Variants in ARID5B observed in about 807,000 individuals in gnomAD.
ARID5B encodes the protein AT-rich interactive domain-containing protein 5B.
A neutral mutation model predicts 97.2 loss-of-function variants in ARID5B; 13 were observed. That is an observed-to-expected ratio of 0.13 (90% CI 0.09 to 0.21). ARID5B has a LOEUF of 0.21. Among genes scored for constraint, ARID5B ranks in the 10% least tolerant of loss-of-function variants. The probability of loss-of-function intolerance (pLI) is 1.00; values close to 1 mark genes in which losing one functional copy is unlikely to be tolerated. For synonymous variants in ARID5B, 556 were observed against 570.3 expected (o/e 0.97, Z 0.36); for missense variants, 1,210 against 1,465.3 (o/e 0.83, Z 2.84).
In ARID5B at chr10:62,090,902, G is replaced by A. The variant is rs41274054; in HGVS notation, c.1439G>A (p.Ser480Asn). The change falls in exon 10 of 10, where the codon AGC (serine) becomes AAC (asparagine). Residue 480 changes from serine to asparagine, a missense_variant. Ser to Asn is a conservative substitution (Grantham distance 46). This residue lies in a region of ARID5B where 800 missense variants were observed against 839.1 expected (regional missense o/e 0.95). Coordinates refer to ENST00000279873, the MANE Select transcript of ARID5B (RefSeq NM_032199.3). ...EQEKEQETLI[S>N]QKSIPEPLPA... ...GAAAAAGAACAAGAGACTTTAATAAGCCAGAAAAGCATCCCTGAGCCTCTC... is the reference window on the plus strand; with the variant it reads ...GAAAAAGAACAAGAGACTTTAATAAACCAGAAAAGCATCCCTGAGCCTCTC... 1,984 of 1,599,566 alleles carry A rather than the reference G, an allele frequency of 1.2e-3. 1 individual carries two copies. Among genetic ancestry groups the A allele is most frequent in the Non-Finnish European group, 1.5e-3 (1,751 of 1,176,380 alleles).
chr10:61,966,558 A>T (rs1206648982), intron 3 of ARID5B, among the ~76,000 whole-genome samples: 1 of 152,072 alleles, frequency 6.6e-6, no homozygotes, highest in Admixed American at 6.6e-5. Context: ...AATTTTAGAA[A>T]ATTCTTTGTT....
At chr10:62,047,667 G>C (rs1839727353) in intron 4 of ARID5B, among the ~76,000 whole-genome samples, 1 of 152,020 alleles carries the variant, frequency 6.6e-6, no homozygotes. Flanking sequence ...AAGGAGGTGG[G>C]GCTGTCTCTT....
intron 3 of ARID5B, among the ~76,000 whole-genome samples, chr10:61,944,316 G>A (rs1032928469): frequency 3.3e-5 from 5 of 152,108 alleles, no homozygotes; most frequent in Non-Finnish European, 7.4e-5. Flanking sequence ...CAAGCCTCTA[G>A]TTATTTATTT....
intron 4 of ARID5B, among the ~76,000 whole-genome samples, chr10:62,016,918 A>G (rs1272048305): frequency 2.0e-5 from 3 of 152,174 alleles, no homozygotes; most frequent in Non-Finnish European, 2.9e-5. Flanking sequence ...AAGGCTTTGT[A>G]GTAGTTTGGA....
At position 62,000,958 on chromosome 10, in the gene ARID5B, A is replaced by G. The variant is rs1589253312; in HGVS notation, c.733+637A>G. Among the ~76,000 whole-genome samples the G allele has an allele frequency of 3.3e-5, 5 of 152,186 alleles. No homozygotes were observed. The highest frequency in any genetic ancestry group is 3.3e-4 in the Admixed American group (5 of 15,278). On this transcript the variant is annotated intron_variant, in intron 4 of 9. Coordinates refer to ENST00000279873, the MANE Select transcript of ARID5B (RefSeq NM_032199.3). This position sits in a 1 kb window ranked among gnomAD's most constrained non-coding sequence, Gnocchi z 4.4. ...CACGTACACGCACATTGTGCCCACC[A>G]AAGATGGATACATATCTTAATCTGC...
At position 62,091,726 on chromosome 10, in the gene ARID5B, G is replaced by A. The variant is rs750226503; in HGVS notation, c.2263G>A (p.Val755Ile). 5.6e-6 allele frequency: 9 copies of A among 1,614,120 alleles called. No homozygotes were observed. Among genetic ancestry groups the A allele is most frequent in the African/African-American group, 1.3e-5 (1 of 75,032 alleles). ...AVSRPSVIQHVQSFRSKPSEE... is the reference protein window; with the variant it reads ...AVSRPSVIQHIQSFRSKPSEE... ...CAGCCGGCCATCAGTGATTCAGCAC[G>A]TCCAGAGTTTCAGAAGCAAGCCCTC... Residue 755 changes from valine (V) to isoleucine (I), a missense_variant, in exon 10 of 10, where the codon GTC becomes ATC. Coordinates refer to ENST00000279873, the MANE Select transcript of ARID5B (RefSeq NM_032199.3).
At chr10:61,909,324 T>TG in intron 2 of ARID5B, among the ~76,000 whole-genome samples, 3 of 136,916 alleles carry the variant, frequency 2.2e-5, no homozygotes. Context: ...GTGAGTTTTT[T>TG]TTTTTTTTTT....
At chr10:61,924,207 G>C (rs75653753) in intron 2 of ARID5B, among the ~76,000 whole-genome samples, 1 of 152,162 alleles carries the variant, frequency 6.6e-6, no homozygotes, top group Non-Finnish European at 1.5e-5. Context: ...CAACCTCCCC[G>C]AGGAGGCAAA....
intron 4 of ARID5B, among the ~76,000 whole-genome samples, chr10:62,047,325 T>A (rs1324930844): frequency 6.6e-6 from 1 of 152,234 alleles, no homozygotes; most frequent in Non-Finnish European, 1.5e-5. Flanking sequence ...CTACTCTTAT[T>A]ATTCATGTAT....
chr10:61,971,890 A>C (rs956035938), intron 3 of ARID5B, among the ~76,000 whole-genome samples: 1 of 152,186 alleles, frequency 6.6e-6, no homozygotes, highest in African/African-American at 2.4e-5. Context: ...GATTTATCAG[A>C]GTTACAAAAA....
chr10:62,065,959 C>T (rs1490894371), intron 7 of ARID5B, among the ~76,000 whole-genome samples: 1 of 151,678 alleles, frequency 6.6e-6, no homozygotes, highest in Non-Finnish European at 1.5e-5. Flanking sequence ...AGGCCTGAGG[C>T]TTAGTGAGAG....
intron 4 of ARID5B, among the ~76,000 whole-genome samples, chr10:62,038,233 AACTG>A (rs1431766430): frequency 6.6e-6 from 1 of 152,206 alleles, no homozygotes; most frequent in Non-Finnish European, 1.5e-5. Context: ...CCAATTGGGT[AACTG>A]ACTATTAAAT....
At chr10:61,996,549 T>A (rs1448811172) in intron 3 of ARID5B, among the ~76,000 whole-genome samples, 1 of 151,990 alleles carries the variant, frequency 6.6e-6, no homozygotes, top group African/African-American at 2.4e-5. Context: ...GATTGGGTGG[T>A]TATAGTCTCA....
chr10:61,922,905 C>T (rs1192865263), intron 2 of ARID5B, among the ~76,000 whole-genome samples: 1 of 151,978 alleles, frequency 6.6e-6, no homozygotes, highest in Non-Finnish European at 1.5e-5. Context: ...GCAAAGTGCT[C>T]ACAACATACA....
rs761637934 is a variant in ARID5B at position 61,996,893 on chromosome 10, A to AT, written c.503-3198_503-3197insT. On this transcript the variant is annotated intron_variant, in intron 3 of 9. Transcript: ENST00000279873. ...TTAAAAGTCTGACAACTGAAAAAAA[A>AT]AAATATATATATATATATATTTCAA... Among the ~76,000 whole-genome samples, 529 of 147,096 alleles carry AT rather than the reference A, an allele frequency of 3.6e-3. 8 individuals carry two copies. Among genetic ancestry groups the AT allele is most frequent in the Admixed American group, 0.025 (373 of 14,772 alleles).
chr10:62,033,278 C>G (rs1048480779), intron 4 of ARID5B, among the ~76,000 whole-genome samples: 3 of 152,202 alleles, frequency 2.0e-5, no homozygotes, highest in Non-Finnish European at 4.4e-5. Context: ...CTCTCTCTCT[C>G]TCTGTCTGTC....
chr10:61,974,228 C>A (rs570629351), intron 3 of ARID5B, among the ~76,000 whole-genome samples: 1 of 152,160 alleles, frequency 6.6e-6, no homozygotes, highest in African/African-American at 2.4e-5. Flanking sequence ...GTACAAATAA[C>A]GCAAAGTGAT....
At chr10:62,033,789 AC>A (rs1322318624) in intron 4 of ARID5B, among the ~76,000 whole-genome samples, 3 of 152,146 alleles carry the variant, frequency 2.0e-5, no homozygotes, top group African/African-American at 7.2e-5. Flanking sequence ...GATACTCCTT[AC>A]CCATCATAAT....
Position 62,092,488 on chromosome 10 carries a change from G to T in ARID5B, c.3025G>T (p.Ala1009Ser). The T allele has an allele frequency of 6.2e-7, 1 of 1,614,138 alleles. No homozygotes were observed. The highest frequency in any genetic ancestry group is 8.5e-7 in the Non-Finnish European group (1 of 1,180,002). ...RKMSPQNIGA[A>S]RPIKRSLEDL... ...AATGAGCCCGCAGAACATTGGGGCGGCGCGGCCGATCAAGCGCAGCCTGGA... is the reference window on the plus strand; with the variant it reads ...AATGAGCCCGCAGAACATTGGGGCGTCGCGGCCGATCAAGCGCAGCCTGGA... The change falls in exon 10 of 10, where the codon GCG (alanine) becomes TCG (serine). Residue 1009 changes from alanine to serine, a missense_variant. Ala to Ser is a moderately conservative substitution (Grantham distance 99). Transcript: ENST00000279873.
Sources: allele counts gnomAD v4.1 joint callset (sites outside exome capture counted in the v4.1 genomes callset), GRCh38; gene constraint gnomAD v4.1.1; regional missense constraint gnomAD v4.1.1; non-coding constraint Gnocchi (gnomAD v3.1); transcripts MANE v1.5; gene names NCBI Gene and HGNC (gene_info 2026-07-23, HGNC 2026-07-21).